The following HDAC9 variants were observed in gnomAD, a reference collection of about 807,000 sequenced individuals.
HDAC9 encodes the protein MEF-2 interacting transcription repressor (MITR) protein.
In HDAC9, 41 loss-of-function variants were observed where a neutral mutation model predicts 139.4. The observed-to-expected ratio is 0.29, with a 90% CI of 0.23 to 0.38. HDAC9 has a LOEUF of 0.38. HDAC9 is among the 10% of genes least tolerant of loss of function. HDAC9 has a pLI of 1.00. For missense variants in HDAC9, 1,147 were observed against 1,297.0 expected, an observed-to-expected ratio of 0.88 and a Z score of 1.78; for synonymous variants, 517 against 476.2, an observed-to-expected ratio of 1.09 and a Z score of -1.12.
chr7:18,694,830 A>T (rs553635354), intron 12 of HDAC9, among the ~76,000 whole-genome samples: 1 of 152,314 alleles, frequency 6.6e-6, no homozygotes, highest in East Asian at 1.9e-4. Context: ...CTTTTTCTTC[A>T]AAGGGACAAT....
intron 22 of HDAC9, among the ~76,000 whole-genome samples, chr7:18,895,462 G>A (rs1413475074): frequency 6.6e-6 from 1 of 152,034 alleles, no homozygotes; most frequent in Non-Finnish European, 1.5e-5. Context: ...AGAGGAGGAT[G>A]CTTGGAATTG....
At chr7:18,125,609 T>C (rs1415614566) in intron 1 of HDAC9, among the ~76,000 whole-genome samples, 1 of 152,124 alleles carries the variant, frequency 6.6e-6, no homozygotes, top group African/African-American at 2.4e-5. Flanking sequence ...GTCTGTGTTA[T>C]CTACTTATCT....
intron 16 of HDAC9, among the ~76,000 whole-genome samples, chr7:18,778,202 AC>A (rs976316406): frequency 2.6e-5 from 4 of 152,042 alleles, no homozygotes; most frequent in Non-Finnish European, 5.9e-5. Context: ...TAAGAAAAAA[AC>A]AATTGCTATT....
intron 1 of HDAC9, among the ~76,000 whole-genome samples, chr7:18,317,073 G>A (rs1001620299): frequency 4.7e-5 from 7 of 148,594 alleles, no homozygotes; most frequent in African/African-American, 1.2e-4. Context: ...TAGCCTGGGC[G>A]ACAGAGTCAG....
chr7:18,656,126 C>A (rs964231463), intron 11 of HDAC9, among the ~76,000 whole-genome samples: 6 of 151,114 alleles, frequency 4.0e-5, no homozygotes, highest in African/African-American at 1.5e-4. Context: ...TCAGCTCTTC[C>A]TCTAACTACT....
chr7:18,951,609 A>G lies in HDAC9; in HGVS notation c.2938-2537A>G, dbSNP rs1361789400. On this transcript the variant is annotated intron_variant, in intron 23 of 25. Transcript: ENST00000686413. ...GTCTTGTTTGTATAAATTACTCCTT[A>G]TTTATCTTTTAATAATTTCCAGTAA... Among the ~76,000 whole-genome samples, 3 of 150,932 alleles carry G rather than the reference A, an allele frequency of 2.0e-5. No individual in the cohort carries two copies. In the East Asian group the frequency reaches 5.8e-4, roughly 29 times the overall value.
Position 18,517,377 on chromosome 7 carries a change from G to A in HDAC9, c.22+21053G>A, listed in dbSNP as rs77435861. On this transcript the variant is annotated intron_variant, in intron 2 of 25. Coordinates refer to ENST00000686413, the MANE Select transcript of HDAC9 (RefSeq NM_178425.4). ...CTTTCCACTTGTAGTTTCATGTCAA[G>A]TATGGTCCCTTACACCTGGTAAGAA... is the stretch of plus-strand genomic sequence containing the variant. Among the ~76,000 whole-genome samples the A allele has an allele frequency of 2.1e-4, 32 of 152,298 alleles. 1 individual carries two copies. The East Asian group carries it at 6.2e-3, about 29-fold the overall frequency.
At chr7:18,244,219 C>T (rs998777774) in intron 2 of HDAC9, among the ~76,000 whole-genome samples, 1 of 152,000 alleles carries the variant, frequency 6.6e-6, no homozygotes, top group Non-Finnish European at 1.5e-5. Flanking sequence ...GGATGGGATT[C>T]TTTTTATGCA....
At chr7:18,842,555 G>C (rs369880761) in intron 21 of HDAC9, among the ~76,000 whole-genome samples, 2 of 151,778 alleles carry the variant, frequency 1.3e-5, no homozygotes, top group Admixed American at 6.6e-5. Context: ...TCTATTTTCC[G>C]TATGTTGAGA....
At chr7:18,801,642 G>A (rs149676155) in intron 17 of HDAC9, among the ~76,000 whole-genome samples, 29 of 151,992 alleles carry the variant, frequency 1.9e-4, no homozygotes, top group Non-Finnish European at 2.7e-4. Context: ...GTAATAGTTC[G>A]GTAAAAATTG....
intron 12 of HDAC9, among the ~76,000 whole-genome samples, chr7:18,690,755 C>A (rs1482518605): frequency 2.0e-5 from 3 of 151,862 alleles, no homozygotes; most frequent in Admixed American, 1.3e-4. Flanking sequence ...GACAAAGTAA[C>A]CAATTTTGCA....
At chr7:18,219,230 A>G (rs1484568731) in intron 2 of HDAC9, among the ~76,000 whole-genome samples, 1 of 152,152 alleles carries the variant, frequency 6.6e-6, no homozygotes, top group African/African-American at 2.4e-5. Flanking sequence ...CTTTATCATA[A>G]TTACTTTTAA....
chr7:18,167,070 A>C (rs1230178083), intron 2 of HDAC9, among the ~76,000 whole-genome samples: 1 of 152,270 alleles, frequency 6.6e-6, no homozygotes, highest in Non-Finnish European at 1.5e-5. Context: ...GTAATATTCA[A>C]GAAAATTATT....
chr7:18,541,007 C>G (rs1323637583), intron 2 of HDAC9, among the ~76,000 whole-genome samples: 2 of 152,038 alleles, frequency 1.3e-5, no homozygotes, highest in Non-Finnish European at 2.9e-5. Flanking sequence ...AGTAAGAAAG[C>G]CAGAATTTGA....
intron 14 of HDAC9, among the ~76,000 whole-genome samples, chr7:18,749,808 AGTTGCTATAAATGTCCATT>A (rs1788291088): frequency 6.6e-6 from 1 of 152,174 alleles, no homozygotes; most frequent in African/African-American, 2.4e-5. Context: ...TATTCGATTT[AGTTGCTATAAATGTCCATT>A]GTTGTCTGAA....
At chr7:18,796,744 G>A (rs886502703) in intron 17 of HDAC9, among the ~76,000 whole-genome samples, 3 of 152,050 alleles carry the variant, frequency 2.0e-5, no homozygotes, top group African/African-American at 7.3e-5. Flanking sequence ...TTGTTTTATA[G>A]GACATTTTAG....
intron 23 of HDAC9, among the ~76,000 whole-genome samples, chr7:18,953,044 C>A (rs1782909167): frequency 6.6e-6 from 1 of 151,904 alleles, no homozygotes; most frequent in African/African-American, 2.4e-5. Context: ...CAGAGGGACC[C>A]TGAGGGGAAG....
At chr7:18,705,802 G>A (rs1316873443) in intron 12 of HDAC9, among the ~76,000 whole-genome samples, 3 of 145,002 alleles carry the variant, frequency 2.1e-5, no homozygotes, top group Non-Finnish European at 4.5e-5. Context: ...GCAGTGAGCC[G>A]AGATGGCACC....
intron 1 of HDAC9, among the ~76,000 whole-genome samples, chr7:18,311,984 A>G (rs1562866338): frequency 1.3e-5 from 2 of 152,172 alleles, no homozygotes. Flanking sequence ...ATTTTAAACA[A>G]TCTAAAGAAC....
Sources: gnomAD v4.1 joint callset for allele counts (sites outside exome capture counted in the v4.1 genomes callset) on GRCh38, gnomAD v4.1.1 for gene constraint, MANE v1.5 for transcripts, NCBI Gene and HGNC (gene_info 2026-07-23, HGNC 2026-07-21) for gene names.